The following LIMS1 variants were observed in gnomAD, a reference collection of about 807,000 sequenced individuals.
LIMS1 encodes LIM zinc finger domain containing 1, also known as LIM and senescent cell antigen-like-containing domain protein 1.
A neutral mutation model predicts 44.1 loss-of-function variants in LIMS1; 18 were observed. That is an observed-to-expected ratio of 0.41 (90% CI 0.28 to 0.61). The LOEUF (loss-of-function observed/expected upper bound fraction) is 0.61. Ranked by LOEUF, LIMS1 falls within the 20% of genes least tolerant of loss-of-function variation. The pLI, the probability that LIMS1 is intolerant of heterozygous loss-of-function variation, is 0.32. For missense variants in LIMS1, 201 were observed against 422.0 expected, an observed-to-expected ratio of 0.48 and a Z score of 4.59; for synonymous variants, 93 against 149.1, an observed-to-expected ratio of 0.62 and a Z score of 2.74.
At chr2:108,587,290 T>TGTG (rs1686149698) in intron 1 of LIMS1, among the ~76,000 whole-genome samples, 72 of 106,084 alleles carry the variant, frequency 6.8e-4, no homozygotes, top group African/African-American at 1.4e-3. Context: ...TTCTTGGGGT[T>TGTG]TGTGTGTGTG....
At chr2:108,576,084 A>T (rs1183162000) in intron 1 of LIMS1, among the ~76,000 whole-genome samples, 2 of 152,102 alleles carry the variant, frequency 1.3e-5, no homozygotes, top group Non-Finnish European at 2.9e-5. Context: ...GGGTTTTCCT[A>T]CTCATTTTAG....
chr2:108,596,733 G>GA (rs1686713681), intron 1 of LIMS1, among the ~76,000 whole-genome samples: 1 of 152,188 alleles, frequency 6.6e-6, no homozygotes, highest in Non-Finnish European at 1.5e-5. Context: ...TGAAGCAGGA[G>GA]AATCGCTTGA....
At chr2:108,570,638 G>C (rs550203388) in intron 1 of LIMS1, among the ~76,000 whole-genome samples, 4 of 152,146 alleles carry the variant, frequency 2.6e-5, no homozygotes, top group Non-Finnish European at 5.9e-5. Context: ...CCTGTATACT[G>C]TGATGGCCTG....
chr2:108,537,204 G>T (rs551512193), intron 1 of LIMS1, among the ~76,000 whole-genome samples: 1 of 152,302 alleles, frequency 6.6e-6, no homozygotes, highest in South Asian at 2.1e-4. Flanking sequence ...GAATATCTTA[G>T]TATGATGAAA....
At chr2:108,561,746 G>GTTTTTTTTTTTT in intron 1 of LIMS1, among the ~76,000 whole-genome samples, 1 of 134,128 alleles carries the variant, frequency 7.5e-6, no homozygotes, top group Non-Finnish European at 1.6e-5. Flanking sequence ...GTTTTTTTTT[G>GTTTTTTTTTTTT]TTTTTTTTTT....
chr2:108,631,444 T>C (rs943955023), intron 1 of LIMS1, among the ~76,000 whole-genome samples: 2 of 152,230 alleles, frequency 1.3e-5, no homozygotes, highest in African/African-American at 4.8e-5. Context: ...ATTAACAGAT[T>C]TAGACCTACT....
At chr2:108,582,145 C>T (rs758231221) in intron 1 of LIMS1, among the ~76,000 whole-genome samples, 1 of 152,166 alleles carries the variant, frequency 6.6e-6, no homozygotes, top group Non-Finnish European at 1.5e-5. Flanking sequence ...AAGCGGTTCC[C>T]TTAGGTACTT....
intron 1 of LIMS1, among the ~76,000 whole-genome samples, chr2:108,550,957 C>CA (rs112710223): frequency 0.013 from 1,970 of 148,806 alleles, 44 homozygotes; most frequent in African/African-American, 0.045. Flanking sequence ...CTCATCTCTA[C>CA]AAAAAAAAAA....
At chr2:108,667,551 A>ATATATATAT (rs1553469851) in intron 2 of LIMS1, among the ~76,000 whole-genome samples, 1,982 of 130,330 alleles carry the variant, frequency 0.015, 51 homozygotes, top group African/African-American at 0.052. Flanking sequence ...AAAAAAAAAA[A>ATATATATAT]ATATATATAT....
chr2:108,634,502 C>T (rs1416212097), intron 1 of LIMS1, among the ~76,000 whole-genome samples: 1 of 152,204 alleles, frequency 6.6e-6, no homozygotes, highest in African/African-American at 2.4e-5. Context: ...TTGCCCCTAC[C>T]ACTAGCAAGA....
At chr2:108,680,619 A>G (rs1188148582) in intron 8 of LIMS1, 76 bp from the exon 9 acceptor site, 2 of 1,559,312 alleles carry the variant, frequency 1.3e-6, no homozygotes, top group African/African-American at 1.4e-5. Context: ...TCTGTTTTGG[A>G]GTTGAAATTC....
chr2:108,628,555 C>T (rs769903853), intron 1 of LIMS1, among the ~76,000 whole-genome samples: 14 of 152,204 alleles, frequency 9.2e-5, no homozygotes, highest in Non-Finnish European at 1.8e-4. Context: ...TGAGCCTTCG[C>T]CTCCCAGGCT....
At chr2:108,580,501 T>TA (rs1335313743) in intron 1 of LIMS1, among the ~76,000 whole-genome samples, 3 of 151,912 alleles carry the variant, frequency 2.0e-5, no homozygotes. Flanking sequence ...AAGGCAGTGT[T>TA]ACGGTAGCTC....
At chr2:108,642,347 T>TGTTTG (rs1431572688) in intron 1 of LIMS1, among the ~76,000 whole-genome samples, 1 of 10,644 alleles carries the variant, frequency 9.4e-5, no homozygotes, top group African/African-American at 2.1e-4. Context: ...TTTTTGTTTT[T>TGTTTG]TTTTTTTTTT....
intron 2 of LIMS1, among the ~76,000 whole-genome samples, chr2:108,664,939 G>A (rs1420827733): frequency 2.0e-5 from 3 of 152,136 alleles, no homozygotes; most frequent in African/African-American, 7.2e-5. Flanking sequence ...ATTCACAATA[G>A]TACTTCTCTC....
At chr2:108,561,098 A>G (rs186959881) in intron 1 of LIMS1, among the ~76,000 whole-genome samples, 1 of 152,376 alleles carries the variant, frequency 6.6e-6, no homozygotes, top group East Asian at 1.9e-4. Flanking sequence ...AAACACCAGT[A>G]CAGACCTTAC....
intron 1 of LIMS1, chr2:108,588,249 A>G: frequency 2.7e-6 from 2 of 736,308 alleles, no homozygotes; most frequent in Non-Finnish European, 3.3e-6. Flanking sequence ...ACACCATGTC[A>G]CATGATTTGA....
At chr2:108,536,261 TGTCC>T (rs1684137287) in intron 1 of LIMS1, among the ~76,000 whole-genome samples, 1 of 152,232 alleles carries the variant, frequency 6.6e-6, no homozygotes, top group East Asian at 1.9e-4. Flanking sequence ...CCATCATACA[TGTCC>T]AGAAATCTTT....
intron 1 of LIMS1, among the ~76,000 whole-genome samples, chr2:108,642,520 C>T (rs568515881): frequency 7.3e-4 from 111 of 151,754 alleles, no homozygotes; most frequent in African/African-American, 2.5e-3. Context: ...CTACCACGCC[C>T]GGCTAATTTT....
Sources: allele counts gnomAD v4.1 joint callset (sites outside exome capture counted in the v4.1 genomes callset), GRCh38; gene constraint gnomAD v4.1.1; transcripts MANE v1.5; gene names NCBI Gene and HGNC (gene_info 2026-07-23, HGNC 2026-07-21).